TLE1: variants seen among roughly 807,000 people sequenced by gnomAD.
TLE1 encodes transducin-like enhancer protein 1.
A neutral mutation model predicts 89.8 loss-of-function variants in TLE1; 21 were observed. The ratio of observed to expected loss-of-function variants is 0.23; its 90% confidence interval spans 0.17 to 0.34. TLE1 has a LOEUF of 0.34. TLE1 is among the 10% of genes least tolerant of loss of function. TLE1 has a pLI of 1.00. For synonymous variants in TLE1, 447 were observed against 407.6 expected (o/e 1.10, Z -1.16); for missense variants, 795 against 1,031.2 (o/e 0.77, Z 3.14).
intron 4 of TLE1, among the ~76,000 whole-genome samples, chr9:81,660,867 C>T (rs924246428): frequency 1.3e-5 from 2 of 148,940 alleles, no homozygotes; most frequent in East Asian, 2.1e-4. Flanking sequence ...GAGGCCGAGG[C>T]GGGAGGATCA....
At chr9:81,595,578 G>C (rs1173031715) in intron 14 of TLE1, among the ~76,000 whole-genome samples, 2 of 152,086 alleles carry the variant, frequency 1.3e-5, no homozygotes, top group African/African-American at 4.8e-5. Flanking sequence ...CAGCACTCTG[G>C]GAGGCCAAGG....
In TLE1 at chr9:81,583,993, T is replaced by C. The variant is rs1033584894; in HGVS notation, c.*205A>G. 3 of 560,622 alleles carry C rather than the reference T, an allele frequency of 5.4e-6. No individual in the cohort carries two copies. In the African/African-American group the frequency reaches 5.6e-5, roughly 11 times the overall value. 34.7% of individuals were successfully genotyped at this position (560,622 alleles called of 1,614,324 possible). On this transcript the variant is annotated 3_prime_UTR_variant, in exon 20 of 20. Transcript: ENST00000376499. ...GGCCCCTCTGTCCGCTTGGCCTTGGTGCTCCATTTGGTCTATGTAGACAGG... is the reference window on the plus strand; with the variant it reads ...GGCCCCTCTGTCCGCTTGGCCTTGGCGCTCCATTTGGTCTATGTAGACAGG...
At chr9:81,663,792 AATTTTTGT>A (rs1398718129) in intron 4 of TLE1, among the ~76,000 whole-genome samples, 5 of 151,606 alleles carry the variant, frequency 3.3e-5, no homozygotes, top group Non-Finnish European at 7.4e-5. Flanking sequence ...ACGCCCGGCT[AATTTTTGT>A]ATTTTTAGTA....
At chr9:81,598,291 C>A (rs1437253134) in intron 14 of TLE1, among the ~76,000 whole-genome samples, 5 of 152,130 alleles carry the variant, frequency 3.3e-5, no homozygotes, top group Non-Finnish European at 2.9e-5. Context: ...TGTCACATCT[C>A]CAAGTTGCGC....
At chr9:81,677,885 A>G (rs1160146589) in intron 4 of TLE1, among the ~76,000 whole-genome samples, 2 of 152,200 alleles carry the variant, frequency 1.3e-5, no homozygotes, top group Admixed American at 1.3e-4. Context: ...TATCCCTTCC[A>G]GCGTACAGTG....
chr9:81,639,631 G>A (rs1414300762), intron 6 of TLE1, among the ~76,000 whole-genome samples: 1 of 138,014 alleles, frequency 7.2e-6, no homozygotes, highest in Non-Finnish European at 1.5e-5. Flanking sequence ...CGCCCAGGCT[G>A]GAGTGCAGTG....
intron 4 of TLE1, among the ~76,000 whole-genome samples, chr9:81,663,013 A>C (rs76867202): frequency 2.6e-5 from 4 of 151,816 alleles, no homozygotes; most frequent in Non-Finnish European, 4.4e-5. Context: ...ACGTGCAGCT[A>C]ATTTTTGCAT....
chr9:81,615,351 AG>A (rs1189227096), intron 11 of TLE1, among the ~76,000 whole-genome samples: 1 of 150,818 alleles, frequency 6.6e-6, no homozygotes, highest in East Asian at 2.0e-4. Context: ...AAAGAATCTC[AG>A]AAGTTTGAAC....
intron 6 of TLE1, among the ~76,000 whole-genome samples, chr9:81,647,535 G>A (rs963066165): frequency 2.0e-5 from 3 of 152,144 alleles, no homozygotes; most frequent in African/African-American, 4.8e-5. Context: ...AAAGACAAAG[G>A]AGGAGGTGCA....
chr9:81,623,648 C>T (rs548617565), intron 8 of TLE1, among the ~76,000 whole-genome samples: 39 of 147,910 alleles, frequency 2.6e-4, no homozygotes, highest in Non-Finnish European at 4.8e-4. Context: ...AAAAATTAGC[C>T]GGGTGGTGGT....
chr9:81,666,413 G>T (rs1412126089), intron 4 of TLE1, among the ~76,000 whole-genome samples: 1 of 152,158 alleles, frequency 6.6e-6, no homozygotes, highest in Non-Finnish European at 1.5e-5. Context: ...GGCAGGATTA[G>T]TGGGAGGAAA....
chr9:81,620,924 T>A, intron 8 of TLE1: 1 of 530,952 alleles, frequency 1.9e-6, no homozygotes, highest in Non-Finnish European at 3.7e-6. Flanking sequence ...GAGCAAATCT[T>A]GAGATTACTC....
chr9:81,666,261 C>G (rs965059009), intron 4 of TLE1, among the ~76,000 whole-genome samples: 3 of 152,110 alleles, frequency 2.0e-5, no homozygotes. Flanking sequence ...CAGATCATCA[C>G]CGTGAAGTCA....
chr9:81,665,862 A>ATTTTTTT (rs10696235), intron 4 of TLE1, among the ~76,000 whole-genome samples: 1 of 147,256 alleles, frequency 6.8e-6, no homozygotes, highest in African/African-American at 2.5e-5. Context: ...GGCTGCCCTC[A>ATTTTTTT]TTTTTTTTTT....
rs772254243 is a variant in TLE1 at position 81,685,899 on chromosome 9, AG to A, written c.126-4del. The A allele has an allele frequency of 3.1e-6, 5 of 1,613,024 alleles. No individual in the cohort carries two copies. The East Asian group carries it at 1.1e-4, about 36-fold the overall frequency. ...GTTTCTCACATTCCAATTTAAGGCTAGGAAAACAAAACAGGCAACTTAATGT... is the reference window on the plus strand; with the variant it reads ...GTTTCTCACATTCCAATTTAAGGCTAGAAAACAAAACAGGCAACTTAATGT... On this transcript the variant is annotated splice_polypyrimidine_tract_variant and splice_region_variant and intron_variant, in intron 2 of 19. Transcript: ENST00000376499.
At chr9:81,587,922 G>GTGTGTGATCCCGCC (rs1554716649) in intron 16 of TLE1, 94 bp from the exon 17 acceptor site, 3 of 1,014,836 alleles carry the variant, frequency 3.0e-6, no homozygotes, top group Non-Finnish European at 4.1e-6. Flanking sequence ...GTGTGTGTGT[G>GTGTGTGATCCCGCC]TGTGTGTGTG....
At chr9:81,623,617 TAAAAAAA>T (rs751545706) in intron 8 of TLE1, among the ~76,000 whole-genome samples, 24 of 44,502 alleles carry the variant, frequency 5.4e-4, no homozygotes, top group East Asian at 1.8e-3. Flanking sequence ...CATCTGTACT[TAAAAAAA>T]AAAAAAAAAA....
In TLE1 at chr9:81,684,524, T is replaced by C. The variant is rs149421730; in HGVS notation, c.234+1152A>G. ...AGAGTGCGGAGTTACAAAAGCAGAA[T>C]TCAACTCTGAAACACACTTGCTTAA... On this transcript the variant is annotated intron_variant, in intron 4 of 19. Transcript: ENST00000376499. Among the ~76,000 whole-genome samples the C allele has an allele frequency of 3.2e-3, 495 of 152,318 alleles. 2 individuals carry two copies. The highest frequency in any genetic ancestry group is 0.011 in the African/African-American group (441 of 41,592).
At chr9:81,648,688 G>A (rs1829172598) in intron 6 of TLE1, among the ~76,000 whole-genome samples, 2 of 152,224 alleles carry the variant, frequency 1.3e-5, no homozygotes, top group Admixed American at 6.5e-5. Flanking sequence ...AAGTGGAGAA[G>A]TGGTCTTGAA....
Sources: allele counts gnomAD v4.1 joint callset (sites outside exome capture counted in the v4.1 genomes callset), GRCh38; gene constraint gnomAD v4.1.1; transcripts MANE v1.5; gene names NCBI Gene and HGNC (gene_info 2026-07-23, HGNC 2026-07-21).